Variants in UBAP2 observed in about 807,000 individuals in gnomAD.
The protein encoded by UBAP2 is ubiquitin-associated protein 2.
In UBAP2, 75 loss-of-function variants were observed where a neutral mutation model predicts 139.6. The ratio of observed to expected loss-of-function variants is 0.54; its 90% CI spans 0.45 to 0.65. The LOEUF (loss-of-function observed/expected upper bound fraction) is 0.65. UBAP2 is among the 30% of genes least tolerant of loss of function. UBAP2 has a pLI of 0.00. For synonymous variants in UBAP2, 526 were observed against 526.2 expected, an observed-to-expected ratio of 1.00 and a Z score of 0.01; for missense variants, 1,368 against 1,369.6, an observed-to-expected ratio of 1.00 and a Z score of 0.02.
chr9:34,026,805 A>G (rs1825436189), intron 1 of UBAP2, among the ~76,000 whole-genome samples: 1 of 152,230 alleles, frequency 6.6e-6, no homozygotes, highest in Non-Finnish European at 1.5e-5. Flanking sequence ...GGCAGTATTC[A>G]AACCCAGGAC....
At position 34,009,081 on chromosome 9, in the gene UBAP2, T is replaced by C. The variant is rs529480903; in HGVS notation, c.99+7969A>G. 2.6e-5 allele frequency among the ~76,000 whole-genome samples: 4 copies of C among 151,778 alleles called. No individual in the cohort carries two copies. In the South Asian group the frequency reaches 8.3e-4, roughly 32 times the overall value. ...CTTAAAATTATTCCAAAATAATTTT[T>C]CCCTAAAAATTTGGTGTTTTGTTTT... On this transcript the variant is annotated intron_variant, in intron 2 of 28. Coordinates refer to ENST00000379238, the MANE Select transcript of UBAP2 (RefSeq NM_001370062.2).
At chr9:33,946,884 C>T (rs978629408) in intron 13 of UBAP2, among the ~76,000 whole-genome samples, 1 of 152,058 alleles carries the variant, frequency 6.6e-6, no homozygotes, top group Non-Finnish European at 1.5e-5. Context: ...ATATAGGGAC[C>T]TACAATTCCT....
intron 6 of UBAP2, among the ~76,000 whole-genome samples, chr9:33,982,502 T>C (rs187375501): frequency 6.6e-6 from 1 of 152,268 alleles, no homozygotes; most frequent in East Asian, 1.9e-4. Flanking sequence ...GACAGTAAAA[T>C]TAAGTGCCCA....
chr9:34,000,028 A>G (rs936984843), intron 2 of UBAP2, among the ~76,000 whole-genome samples: 1 of 151,732 alleles, frequency 6.6e-6, no homozygotes, highest in Admixed American at 6.6e-5. Context: ...GCTCACTGCA[A>G]CCTCTGCCGC....
chr9:33,998,529 T>C (rs555377566), intron 3 of UBAP2: 20 of 352,504 alleles, frequency 5.7e-5, no homozygotes, highest in African/African-American at 1.3e-4. Context: ...CTTACAGAAA[T>C]GTCTGGTTCA....
intron 16 of UBAP2, among the ~76,000 whole-genome samples, chr9:33,937,830 G>A (rs946978802): frequency 2.6e-5 from 4 of 151,930 alleles, no homozygotes; most frequent in African/African-American, 4.8e-5. Flanking sequence ...GCTGAGGCAG[G>A]AGAATCACGT....
chr9:34,017,331 A>G (rs1450497911), intron 1 of UBAP2, 142 bp from the exon 2 acceptor site: 2 of 471,158 alleles, frequency 4.2e-6, no homozygotes, highest in Non-Finnish European at 7.3e-6. Flanking sequence ...AGGATTTTAC[A>G]TTTTGCTGGT....
intron 24 of UBAP2, 45 bp from the exon 25 acceptor site, chr9:33,923,523 C>G (rs201370484): frequency 6.3e-7 from 1 of 1,591,054 alleles, no homozygotes; most frequent in East Asian, 2.2e-5. Flanking sequence ...AAGAGGCAAG[C>G]TGAGGCTGGT....
At position 33,936,712 on chromosome 9, in the gene UBAP2, T is replaced by C. The variant is rs142705828; in HGVS notation, c.1930-834A>G. On this transcript the variant is annotated intron_variant, in intron 16 of 28. Coordinates refer to ENST00000379238, the MANE Select transcript of UBAP2 (RefSeq NM_001370062.2). ...AATACCACTATAGATCTCAGAAACA[T>C]TAAAAGGACAGGAAAGAAATACATT... is the stretch of plus-strand genomic sequence containing the variant. Among the ~76,000 whole-genome samples, 776 of 151,732 alleles carry C rather than the reference T, an allele frequency of 5.1e-3. 4 individuals are homozygous for C. Among genetic ancestry groups the C allele is most frequent in the African/African-American group, 0.016 (668 of 41,342 alleles).
intron 6 of UBAP2, among the ~76,000 whole-genome samples, chr9:33,986,417 T>C (rs998245337): frequency 6.6e-6 from 1 of 152,128 alleles, no homozygotes; most frequent in African/African-American, 2.4e-5. Flanking sequence ...GATCATAGCC[T>C]TTTTTAGCAA....
chr9:33,960,476 G>A (rs912458381), intron 10 of UBAP2, among the ~76,000 whole-genome samples: 3 of 152,048 alleles, frequency 2.0e-5, no homozygotes, highest in South Asian at 2.1e-4. Context: ...ACCAAACACC[G>A]AAAGAAAGAC....
chr9:33,989,349 C>T (rs1821496210), intron 4 of UBAP2, among the ~76,000 whole-genome samples: 2 of 152,086 alleles, frequency 1.3e-5, no homozygotes, highest in Non-Finnish European at 2.9e-5. Context: ...CTACAGGCGC[C>T]TGCCACCACG....
chr9:33,985,919 G>A (rs919856204), intron 6 of UBAP2, among the ~76,000 whole-genome samples: 1 of 152,036 alleles, frequency 6.6e-6, no homozygotes, highest in Non-Finnish European at 1.5e-5. Flanking sequence ...CTACTCAGGA[G>A]GGTAAGTAGG....
intron 6 of UBAP2, among the ~76,000 whole-genome samples, chr9:33,977,929 C>T (rs1220686911): frequency 6.7e-6 from 1 of 150,252 alleles, no homozygotes; most frequent in Non-Finnish European, 1.5e-5. Flanking sequence ...GCAGGAGAAT[C>T]CCTTGAACCC....
At chr9:33,963,868 G>T (rs187769096) in intron 8 of UBAP2, 77 bp from the exon 9 acceptor site, 319 of 1,101,046 alleles carry the variant, frequency 2.9e-4, no homozygotes, top group Non-Finnish European at 4.0e-4. Context: ...GATGGTCACT[G>T]TCAAAGCTAT....
intron 2 of UBAP2, among the ~76,000 whole-genome samples, chr9:34,007,764 G>A (rs1023690604): frequency 6.6e-6 from 1 of 150,426 alleles, no homozygotes; most frequent in African/African-American, 2.4e-5. Flanking sequence ...TCAGCCTCCC[G>A]AGTAGCTGGG....
intron 1 of UBAP2, among the ~76,000 whole-genome samples, chr9:34,043,413 T>C (rs976787887): frequency 2.6e-5 from 4 of 152,192 alleles, no homozygotes; most frequent in African/African-American, 9.6e-5. Flanking sequence ...GTGATTCACC[T>C]GCCTCGGCCT....
intron 1 of UBAP2, among the ~76,000 whole-genome samples, chr9:34,018,297 A>C (rs1008768493): frequency 8.6e-5 from 13 of 152,004 alleles, no homozygotes; most frequent in African/African-American, 3.1e-4. Flanking sequence ...CCTGCTAGAC[A>C]AATTCTAAAA....
intron 12 of UBAP2, among the ~76,000 whole-genome samples, chr9:33,952,528 A>G (rs1009874230): frequency 1.3e-5 from 2 of 152,224 alleles, no homozygotes; most frequent in African/African-American, 4.8e-5. Context: ...GGGGGAAAAA[A>G]AAGCAAAAAA....
Sources: gnomAD v4.1 joint callset for allele counts (sites outside exome capture counted in the v4.1 genomes callset) on GRCh38, gnomAD v4.1.1 for gene constraint, MANE v1.5 for transcripts, NCBI Gene and HGNC (gene_info 2026-07-23, HGNC 2026-07-21) for gene names.